Variants in CACNA2D1 observed in about 807,000 individuals in gnomAD.
CACNA2D1 encodes the protein calcium voltage-gated channel auxiliary subunit alpha2delta 1.
In CACNA2D1, 53 loss-of-function variants were observed where a neutral mutation model predicts 171.5. That is an observed-to-expected ratio of 0.31 (90% CI 0.25 to 0.39). The LOEUF (loss-of-function observed/expected upper bound fraction) is 0.39. Ranked by LOEUF, CACNA2D1 falls within the 10% of genes least tolerant of loss-of-function variation. The probability of loss-of-function intolerance (pLI) is 1.00; values close to 1 mark genes in which losing one functional copy is unlikely to be tolerated. For synonymous variants in CACNA2D1, 442 were observed against 443.1 expected (o/e 1.00, Z 0.03); for missense variants, 903 against 1,299.8 (o/e 0.69, Z 4.69).
At chr7:82,320,783 C>T (rs746880327) in intron 3 of CACNA2D1, among the ~76,000 whole-genome samples, 1 of 151,894 alleles carries the variant, frequency 6.6e-6, no homozygotes, top group Non-Finnish European at 1.5e-5. Context: ...AAAGTTTTCT[C>T]ATATATGTGT....
chr7:82,073,696 G>C (rs1175593552), intron 7 of CACNA2D1, among the ~76,000 whole-genome samples: 1 of 152,054 alleles, frequency 6.6e-6, no homozygotes, highest in Non-Finnish European at 1.5e-5. Flanking sequence ...TGCCTCCTGG[G>C]TTCAAGTGAT....
At chr7:81,957,549 C>G (rs1793557570) in intron 38 of CACNA2D1, among the ~76,000 whole-genome samples, 1 of 151,994 alleles carries the variant, frequency 6.6e-6, no homozygotes, top group South Asian at 2.1e-4. Flanking sequence ...TAAGTTGATC[C>G]TATTAATAAC....
rs1368347851 is a variant in CACNA2D1, at chr7:82,140,954, T to TTAAAAAAAA, written c.355-4279_355-4278insTTTTTTTTA. 8.3e-4 allele frequency among the ~76,000 whole-genome samples: 76 copies of TTAAAAAAAA among 91,750 alleles called. 3 individuals are homozygous for TTAAAAAAAA. Among genetic ancestry groups the TTAAAAAAAA allele is most frequent in the African/African-American group, 2.8e-3 (55 of 19,586 alleles). The allele number at this position is 91,750 out of a possible 152,430, so 60.2% of individuals were successfully genotyped here. A position where few individuals can be genotyped will look rare whatever the true frequency, so the allele number is the denominator to read the frequency against. On this transcript the variant is annotated intron_variant, in intron 4 of 38. Coordinates refer to ENST00000356860, the MANE Select transcript of CACNA2D1 (RefSeq NM_000722.4). ...TAGGCGACAGAGCAAGACTCGTCTC[T>TTAAAAAAAA]AAAAAAAAAAAAAAAGAAAAAAAAA...
chr7:82,371,651 G>A (rs1002364267), intron 1 of CACNA2D1, among the ~76,000 whole-genome samples: 3 of 151,996 alleles, frequency 2.0e-5, no homozygotes, highest in African/African-American at 7.3e-5. Context: ...CACAATCTCG[G>A]CTCACTGTAA....
chr7:82,176,136 G>A (rs1325674350), intron 3 of CACNA2D1, among the ~76,000 whole-genome samples: 1 of 151,930 alleles, frequency 6.6e-6, no homozygotes, highest in Non-Finnish European at 1.5e-5. Context: ...TTCTGCCTGT[G>A]ACACCTTATT....
chr7:82,324,735 A>T (rs557186567), intron 3 of CACNA2D1, among the ~76,000 whole-genome samples: 1 of 152,276 alleles, frequency 6.6e-6, no homozygotes, highest in South Asian at 2.1e-4. Flanking sequence ...CTCCCACTTA[A>T]GCAGTAATCT....
At chr7:82,189,900 A>C (rs2129183822) in intron 3 of CACNA2D1, among the ~76,000 whole-genome samples, 1 of 152,072 alleles carries the variant, frequency 6.6e-6, no homozygotes, top group African/African-American at 2.4e-5. Context: ...AACTAATTGT[A>C]AAAGTTATTA....
intron 12 of CACNA2D1, among the ~76,000 whole-genome samples, chr7:82,032,100 T>TA (rs1010684702): frequency 5.3e-5 from 8 of 151,956 alleles, no homozygotes; most frequent in African/African-American, 1.7e-4. Flanking sequence ...AAAAAGTAGT[T>TA]AGAGTTTTGA....
intron 6 of CACNA2D1, among the ~76,000 whole-genome samples, chr7:82,116,511 G>A (rs1377992725): frequency 3.3e-5 from 5 of 152,136 alleles, no homozygotes; most frequent in South Asian, 4.1e-4. Context: ...TCTTTTGGCT[G>A]GAAGCCCACA....
intron 34 of CACNA2D1, 67 bp from the exon 35 acceptor site, chr7:81,962,562 C>T: frequency 8.1e-6 from 7 of 868,960 alleles, no homozygotes; most frequent in South Asian, 7.5e-5. Context: ...TGTACCCATA[C>T]ACATAAATAC....
intron 3 of CACNA2D1, among the ~76,000 whole-genome samples, chr7:82,219,188 C>T (rs554531493): frequency 6.6e-6 from 1 of 152,200 alleles, no homozygotes; most frequent in Admixed American, 6.5e-5. Flanking sequence ...TGCCTTGAGA[C>T]CTATACAATC....
At chr7:82,182,819 CGAAGT>C in intron 3 of CACNA2D1, among the ~76,000 whole-genome samples, 1 of 152,068 alleles carries the variant, frequency 6.6e-6, no homozygotes. Flanking sequence ...GGGCGGATCA[CGAAGT>C]CGGGAGTTCG....
chr7:82,052,651 T>C (rs1584550087), intron 10 of CACNA2D1, among the ~76,000 whole-genome samples: 3 of 152,144 alleles, frequency 2.0e-5, no homozygotes, highest in South Asian at 2.1e-4. Context: ...AGATTATATA[T>C]AATGTGGTTG....
chr7:82,441,611 C>T (rs2129460086), intron 1 of CACNA2D1, among the ~76,000 whole-genome samples: 1 of 152,214 alleles, frequency 6.6e-6, no homozygotes, highest in South Asian at 2.1e-4. Flanking sequence ...AGGATTTTTA[C>T]ATTAATATTT....
intron 21 of CACNA2D1, among the ~76,000 whole-genome samples, chr7:81,985,523 C>A (rs1475681015): frequency 6.6e-6 from 1 of 152,060 alleles, no homozygotes; most frequent in Non-Finnish European, 1.5e-5. Context: ...AAAATATATT[C>A]TTTTGAGGGA....
intron 12 of CACNA2D1, among the ~76,000 whole-genome samples, chr7:82,014,920 T>C (rs543604819): frequency 6.6e-6 from 1 of 152,078 alleles, no homozygotes; most frequent in Non-Finnish European, 1.5e-5. Context: ...CCGGGCCTTA[T>C]GGTGGGTGCC....
At chr7:81,995,403 C>T (rs960325151) in intron 19 of CACNA2D1, among the ~76,000 whole-genome samples, 1 of 151,692 alleles carries the variant, frequency 6.6e-6, no homozygotes, top group Non-Finnish European at 1.5e-5. Flanking sequence ...ATCTGGGTAC[C>T]AAAAAAATCT....
At chr7:82,383,711 A>C (rs890769788) in intron 1 of CACNA2D1, among the ~76,000 whole-genome samples, 1 of 152,172 alleles carries the variant, frequency 6.6e-6, no homozygotes, top group African/African-American at 2.4e-5. Context: ...CCAGGCACCC[A>C]CCTCCACAGG....
At chr7:82,289,879 T>A (rs965217382) in intron 3 of CACNA2D1, among the ~76,000 whole-genome samples, 3 of 152,158 alleles carry the variant, frequency 2.0e-5, no homozygotes, top group African/African-American at 4.8e-5. Flanking sequence ...TATAGGGACA[T>A]GACATACTGT....
Sources: allele counts gnomAD v4.1 joint callset (sites outside exome capture counted in the v4.1 genomes callset), GRCh38; gene constraint gnomAD v4.1.1; transcripts MANE v1.5; gene names NCBI Gene and HGNC (gene_info 2026-07-23, HGNC 2026-07-21).